TTC28: variants seen among roughly 807,000 people sequenced by gnomAD.
The protein encoded by TTC28 is tetratricopeptide repeat protein 28.
TTC28 carries 61 observed loss-of-function variants against 198.0 expected under a neutral mutation model. That is an observed-to-expected ratio of 0.31 (90% CI 0.25 to 0.38). The LOEUF is 0.38. TTC28 is among the 10% of genes least tolerant of loss of function. The pLI, the probability that TTC28 is intolerant of heterozygous loss-of-function variation, is 1.00. For synonymous variants in TTC28, 1,171 were observed against 1,297.8 expected (o/e 0.90, Z 2.10); for missense variants, 2,678 against 3,164.0 (o/e 0.85, Z 3.69).
intron 5 of TTC28, among the ~76,000 whole-genome samples, chr22:28,259,225 A>G (rs544560552): frequency 6.6e-6 from 1 of 152,234 alleles, no homozygotes; most frequent in South Asian, 2.1e-4. Context: ...AAGGGCAGAG[A>G]TTGAACCTTG....
intron 2 of TTC28, among the ~76,000 whole-genome samples, chr22:28,390,076 A>C (rs1468452878): frequency 6.6e-6 from 1 of 151,448 alleles, no homozygotes; most frequent in East Asian, 1.9e-4. Flanking sequence ...GAACATCTTT[A>C]TTTCTGCCTT....
At chr22:28,135,985 G>T (rs1482227731) in intron 6 of TTC28, among the ~76,000 whole-genome samples, 2 of 152,116 alleles carry the variant, frequency 1.3e-5, no homozygotes, top group African/African-American at 2.4e-5. Flanking sequence ...CAGTTCTGGG[G>T]TTTTTTGTTT....
chr22:28,632,724 A>G (rs2051198582), intron 1 of TTC28, among the ~76,000 whole-genome samples: 1 of 151,912 alleles, frequency 6.6e-6, no homozygotes, highest in Non-Finnish European at 1.5e-5. Context: ...AAAGACTTTT[A>G]AAGTAAGATA....
At chr22:28,293,996 T>C (rs2044840158) in intron 5 of TTC28, among the ~76,000 whole-genome samples, 1 of 152,178 alleles carries the variant, frequency 6.6e-6, no homozygotes, top group South Asian at 2.1e-4. Flanking sequence ...AATCAGAAAC[T>C]TTGAGGAGAA....
intron 2 of TTC28, among the ~76,000 whole-genome samples, chr22:28,467,306 C>T (rs1211119587): frequency 6.6e-6 from 1 of 152,116 alleles, no homozygotes; most frequent in Non-Finnish European, 1.5e-5. Flanking sequence ...CATCTGTGGT[C>T]CCAGCTATTC....
intron 5 of TTC28, among the ~76,000 whole-genome samples, chr22:28,204,560 C>G (rs1175804682): frequency 6.6e-6 from 1 of 152,100 alleles, no homozygotes; most frequent in East Asian, 1.9e-4. Context: ...CACCATGTGT[C>G]CAATACCATA....
chr22:28,632,105 A>AAAGAAAGG (rs1860354617), intron 1 of TTC28, among the ~76,000 whole-genome samples: 2 of 152,066 alleles, frequency 1.3e-5, no homozygotes, highest in African/African-American at 4.8e-5. Flanking sequence ...AAAATTCCCC[A>AAAGAAAGG]AAGAAAGGAA....
chr22:28,359,272 G>A (rs1314523171), intron 2 of TTC28, among the ~76,000 whole-genome samples: 3 of 152,088 alleles, frequency 2.0e-5, no homozygotes, highest in Non-Finnish European at 4.4e-5. Context: ...ATCTATCTTA[G>A]GTATCATATA....
At chr22:28,214,158 G>C (rs1172544718) in intron 5 of TTC28, among the ~76,000 whole-genome samples, 2 of 152,036 alleles carry the variant, frequency 1.3e-5, no homozygotes, top group East Asian at 3.9e-4. Flanking sequence ...TTAAATGTTA[G>C]ACCTAAAACC....
chr22:28,191,517 G>A (rs746219853), intron 5 of TTC28, among the ~76,000 whole-genome samples: 5 of 152,230 alleles, frequency 3.3e-5, no homozygotes, highest in Non-Finnish European at 7.3e-5. Flanking sequence ...AAGCACAAGG[G>A]GTCAGGGAAT....
At chr22:28,274,327 G>C (rs928287354) in intron 5 of TTC28, among the ~76,000 whole-genome samples, 4 of 152,164 alleles carry the variant, frequency 2.6e-5, no homozygotes, top group Non-Finnish European at 5.9e-5. Context: ...ACACATCAAT[G>C]AATAACAGCA....
rs1315663299 is a variant in TTC28, at chr22:28,452,150, G to A, written c.382-145507C>T. Among the ~76,000 whole-genome samples, 8 of 152,106 alleles carry A rather than the reference G, an allele frequency of 5.3e-5. No homozygotes were observed. The East Asian group carries it at 1.3e-3, about 26-fold the overall frequency. ...CACGCCTGTAATCCCAGCACTTTGG[G>A]AGGCCAAGGTGGGCGGATCACAAGG... On this transcript the variant is annotated intron_variant, in intron 2 of 22. Coordinates refer to ENST00000397906, the MANE Select transcript of TTC28 (RefSeq NM_001145418.2).
At chr22:28,517,066 G>A (rs182761794) in intron 2 of TTC28, among the ~76,000 whole-genome samples, 2 of 152,272 alleles carry the variant, frequency 1.3e-5, no homozygotes, top group East Asian at 1.9e-4. Flanking sequence ...TTAGTAAATC[G>A]CAGAGCTAGG....
chr22:27,998,216 CCA>C, intron 16 of TTC28: 1 of 398,806 alleles, frequency 2.5e-6, no homozygotes, highest in South Asian at 3.7e-5. Flanking sequence ...AGTCTTTCTA[CCA>C]CACACTCCTT....
chr22:28,437,966 T>G (rs1191422367), intron 2 of TTC28, among the ~76,000 whole-genome samples: 1 of 152,146 alleles, frequency 6.6e-6, no homozygotes, highest in Non-Finnish European at 1.5e-5. Context: ...AAAGATTAAG[T>G]GACTCCCCCA....
intron 2 of TTC28, among the ~76,000 whole-genome samples, chr22:28,424,228 T>C (rs2047310187): frequency 6.6e-6 from 1 of 152,148 alleles, no homozygotes; most frequent in Non-Finnish European, 1.5e-5. Context: ...ACTCCCACAA[T>C]AAACAAACAA....
intron 1 of TTC28, among the ~76,000 whole-genome samples, chr22:28,679,102 G>A (rs1315156201): frequency 6.6e-6 from 1 of 152,240 alleles, no homozygotes; most frequent in Non-Finnish European, 1.5e-5. Flanking sequence ...ACGAAGCTGA[G>A]GTGGGTGGAA....
intron 2 of TTC28, among the ~76,000 whole-genome samples, chr22:28,411,961 C>G (rs2047088539): frequency 6.6e-6 from 1 of 152,242 alleles, no homozygotes; most frequent in South Asian, 2.1e-4. Context: ...TCAAAATATT[C>G]AAATACTTTA....
At chr22:28,273,317 T>C (rs1020693163) in intron 5 of TTC28, among the ~76,000 whole-genome samples, 1 of 152,046 alleles carries the variant, frequency 6.6e-6, no homozygotes, top group African/African-American at 2.4e-5. Flanking sequence ...ATAGAAAATA[T>C]AAATGAACCC....
Sources: gnomAD v4.1 joint callset for allele counts (sites outside exome capture counted in the v4.1 genomes callset) on GRCh38, gnomAD v4.1.1 for gene constraint, MANE v1.5 for transcripts, NCBI Gene and HGNC (gene_info 2026-07-23, HGNC 2026-07-21) for gene names.